The following DNAH8 variants were observed in gnomAD, a reference collection of about 807,000 sequenced individuals.
DNAH8 encodes dynein axonemal heavy chain 8, also known as axonemal beta dynein heavy chain 8.
A neutral mutation model predicts 562.1 loss-of-function variants in DNAH8; 382 were observed. That is an observed-to-expected ratio of 0.68 (90% CI 0.63 to 0.74). The LOEUF is 0.74. DNAH8 is among the 30% of genes least tolerant of loss of function. DNAH8 has a pLI of 0.00. For missense variants in DNAH8, 5,203 were observed against 5,620.4 expected, an observed-to-expected ratio of 0.93 and a Z score of 2.37; for synonymous variants, 1,881 against 1,919.4, an observed-to-expected ratio of 0.98 and a Z score of 0.52.
intron 21 of DNAH8, among the ~76,000 whole-genome samples, chr6:38,802,204 A>G (rs1770839528): frequency 6.6e-6 from 1 of 152,070 alleles, no homozygotes; most frequent in Non-Finnish European, 1.5e-5. Flanking sequence ...CAAAAGGGTT[A>G]GGATTACAGG....
At chr6:38,772,660 C>T (rs1767684619) in intron 12 of DNAH8, among the ~76,000 whole-genome samples, 2 of 151,966 alleles carry the variant, frequency 1.3e-5, no homozygotes, top group African/African-American at 4.8e-5. Context: ...TATCTTTTCA[C>T]TTTCTTGATG....
chr6:38,721,467 T>C (rs1762746148), intron 1 of DNAH8, among the ~76,000 whole-genome samples: 1 of 151,036 alleles, frequency 6.6e-6, no homozygotes, highest in Non-Finnish European at 1.5e-5. Context: ...ATCACGCCAC[T>C]GCACCCTAGC....
chr6:38,756,123 G>A, intron 10 of DNAH8, 44 bp downstream of exon 10: 1 of 1,248,886 alleles, frequency 8.0e-7, no homozygotes. Context: ...CTGTGAAAAA[G>A]TTAGCAAATC....
rs185455012 is a variant in DNAH8 at position 38,830,470 on chromosome 6, T to C, written c.4189-1852T>C. On this transcript the variant is annotated intron_variant, in intron 30 of 92. Coordinates refer to ENST00000327475, the MANE Select transcript of DNAH8 (RefSeq NM_001206927.2). ...TAACACAGTGAAACCCTGCCTCTACTAAAATTACAAAAAAATCAGCCAGGC... is the reference window on the plus strand; with the variant it reads ...TAACACAGTGAAACCCTGCCTCTACCAAAATTACAAAAAAATCAGCCAGGC... Among the ~76,000 whole-genome samples the C allele has an allele frequency of 2.6e-3, 395 of 151,748 alleles. 1 individual carries two copies. Among genetic ancestry groups the C allele is most frequent in the African/African-American group, 8.8e-3 (366 of 41,370 alleles).
At chr6:38,903,151 T>A (rs1780186871) in intron 62 of DNAH8, among the ~76,000 whole-genome samples, 1 of 152,156 alleles carries the variant, frequency 6.6e-6, no homozygotes, top group Non-Finnish European at 1.5e-5. Context: ...TACTCTACGC[T>A]GTTCTGTATT....
chr6:38,789,747 GTGA>G, intron 18 of DNAH8, 53 bp from the exon 19 acceptor site: 1 of 1,322,822 alleles, frequency 7.6e-7, no homozygotes, highest in Non-Finnish European at 1.1e-6. Flanking sequence ...GAATCAAAAT[GTGA>G]CTGCTACTTT....
intron 87 of DNAH8, 143 bp from the exon 88 acceptor site, chr6:38,989,869 A>T (rs892943705): frequency 2.9e-5 from 16 of 555,026 alleles, no homozygotes; most frequent in Non-Finnish European, 5.1e-5. Flanking sequence ...TAATTATTCT[A>T]TCAGTAGTAT....
chr6:38,791,570 G>A lies in DNAH8; in HGVS notation c.2797G>A (p.Glu933Lys). 1 of 1,610,970 alleles carries A rather than the reference G, an allele frequency of 6.2e-7. No individual in the cohort carries two copies. The highest frequency in any genetic ancestry group is 1.1e-5 in the South Asian group (1 of 89,696). Reference protein sequence around the residue: ...QLLKKISDLCEMHIDTVLKEI... With the variant: ...QLLKKISDLCKMHIDTVLKEI... The stretch of plus-strand genomic sequence containing the variant: ...TTCCTTGTAGATCAGTGACTTGTGT[G>A]AAATGCATATTGATACAGTTCTGAA... Residue 933 changes from glutamate to lysine, a missense_variant, in exon 21 of 93, where the codon GAA becomes AAA. By Grantham distance (56) the Glu-to-Lys change is moderately conservative. Coordinates refer to ENST00000327475, the MANE Select transcript of DNAH8 (RefSeq NM_001206927.2).
intron 7 of DNAH8, among the ~76,000 whole-genome samples, chr6:38,739,871 C>T (rs1764389596): frequency 6.6e-6 from 1 of 152,068 alleles, no homozygotes. Context: ...TTTAATCCAT[C>T]TGGAATTGTG....
chr6:38,975,915 A>G (rs933450962), intron 85 of DNAH8, among the ~76,000 whole-genome samples: 1 of 152,204 alleles, frequency 6.6e-6, no homozygotes, highest in Non-Finnish European at 1.5e-5. Flanking sequence ...CATATGGTTA[A>G]TGTGGCAACC....
In DNAH8 at chr6:38,822,204, A is replaced by G. The variant is rs16891092; in HGVS notation, c.3524-634A>G. ...TTTATTTTAGGGTCATTTTTAGAGTAGGTGGATCTGCCTAGTTTTCAATTT... is the reference window on the plus strand; with the variant it reads ...TTTATTTTAGGGTCATTTTTAGAGTGGGTGGATCTGCCTAGTTTTCAATTT... On this transcript the variant is annotated intron_variant, in intron 26 of 92. Coordinates refer to ENST00000327475, the MANE Select transcript of DNAH8 (RefSeq NM_001206927.2). 1,564 of 116,930 alleles carry G rather than the reference A, an allele frequency of 0.013. 89 individuals are homozygous for G. In the East Asian group the frequency reaches 0.26, roughly 19 times the overall value. The allele number at this position is 116,930 out of a possible 1,614,324, so 7.2% of individuals were successfully genotyped here. A position where few individuals can be genotyped will look rare whatever the true frequency, so the allele number is the denominator to read the frequency against.
chr6:39,024,131 A>G (rs1767121086), intron 91 of DNAH8, among the ~76,000 whole-genome samples: 1 of 152,228 alleles, frequency 6.6e-6, no homozygotes, highest in African/African-American at 2.4e-5. Context: ...TCTGGCACCT[A>G]TGACATTGTC....
intron 10 of DNAH8, among the ~76,000 whole-genome samples, chr6:38,756,871 T>A (rs1765963821): frequency 6.6e-6 from 1 of 151,956 alleles, no homozygotes; most frequent in South Asian, 2.1e-4. Context: ...TATGGCTGCA[T>A]AGTATTCCAT....
intron 39 of DNAH8, among the ~76,000 whole-genome samples, chr6:38,852,048 G>T (rs533402999): frequency 1.3e-5 from 2 of 152,114 alleles, no homozygotes; most frequent in South Asian, 4.1e-4. Context: ...TTATTAAATC[G>T]AATTTATCAT....
chr6:38,865,653 A>C (rs535914582), intron 45 of DNAH8, among the ~76,000 whole-genome samples: 12 of 152,368 alleles, frequency 7.9e-5, no homozygotes, highest in African/African-American at 2.9e-4. Context: ...AAGGATATTT[A>C]GTACAGTGTG....
intron 82 of DNAH8, among the ~76,000 whole-genome samples, chr6:38,957,592 CTT>C (rs61217653): frequency 0.041 from 5,842 of 141,936 alleles, 358 homozygotes; most frequent in African/African-American, 0.13. Flanking sequence ...CAAAACAAGT[CTT>C]AACAAATTAA....
chr6:38,915,695 T>C (rs1175253189), intron 68 of DNAH8, among the ~76,000 whole-genome samples: 2 of 152,154 alleles, frequency 1.3e-5, no homozygotes, highest in Non-Finnish European at 2.9e-5. Flanking sequence ...CCTTCCAGAT[T>C]ATGTCATGCT....
intron 15 of DNAH8, among the ~76,000 whole-genome samples, 178 bp from the exon 16 acceptor site, chr6:38,781,076 G>C (rs549593279): frequency 1.3e-5 from 2 of 152,086 alleles, no homozygotes; most frequent in Non-Finnish European, 2.9e-5. Flanking sequence ...TGTCGTATAT[G>C]GTCAACATCA....
chr6:38,766,135 T>TTGTGTGTGTGTGTG (rs774448668), intron 11 of DNAH8, among the ~76,000 whole-genome samples: 33 of 129,010 alleles, frequency 2.6e-4, no homozygotes, highest in East Asian at 8.9e-4. Context: ...ATGTATGTGT[T>TTGTGTGTGTGTGTG]TGTATGTGTG....
Sources: allele counts gnomAD v4.1 joint callset (sites outside exome capture counted in the v4.1 genomes callset), GRCh38; gene constraint gnomAD v4.1.1; transcripts MANE v1.5; gene names NCBI Gene and HGNC (gene_info 2026-07-23, HGNC 2026-07-21).